The following GATAD2A variants were observed in gnomAD, a reference collection of about 807,000 sequenced individuals.
GATAD2A encodes the protein GATA zinc finger domain containing 2A, also known as transcriptional repressor p66-alpha.
Under a neutral mutation model 68.5 loss-of-function variants are expected in GATAD2A, and 12 were observed. The ratio of observed to expected loss-of-function variants is 0.18; its 90% confidence interval spans 0.11 to 0.28. The LOEUF (loss-of-function observed/expected upper bound fraction) is 0.28. Among genes scored for constraint, GATAD2A ranks in the 10% least tolerant of loss-of-function variants. GATAD2A has a pLI of 1.00. For synonymous variants in GATAD2A, 410 were observed against 375.3 expected (o/e 1.09, Z -1.07); for missense variants, 755 against 868.5 (o/e 0.87, Z 1.64).
intron 2 of GATAD2A, among the ~76,000 whole-genome samples, chr19:19,475,463 CTG>C (rs1568319585): frequency 7.6e-6 from 1 of 131,388 alleles, no homozygotes; most frequent in Non-Finnish European, 1.6e-5. Flanking sequence ...GCGGGGTACT[CTG>C]TGGGCGGCTC....
chr19:19,454,283 A>G (rs2056707173), intron 1 of GATAD2A, among the ~76,000 whole-genome samples: 1 of 147,324 alleles, frequency 6.8e-6, no homozygotes, highest in Non-Finnish European at 1.5e-5. Flanking sequence ...GGCATGAGCC[A>G]CCACACCCGG....
At chr19:19,466,264 A>G (rs999043937) in intron 2 of GATAD2A, among the ~76,000 whole-genome samples, 3 of 152,210 alleles carry the variant, frequency 2.0e-5, no homozygotes, top group Admixed American at 6.5e-5. Context: ...CTTGACTTCA[A>G]AACCTTCCTT....
At chr19:19,404,189 A>G (rs567953555), upstream of GATAD2A, among the ~76,000 whole-genome samples, 12 of 152,148 alleles carry the variant, frequency 7.9e-5, no homozygotes, top group Middle Eastern at 3.4e-3. Flanking sequence ...TGACAATTGT[A>G]TGTAGAACTC....
chr19:19,504,843 A>C (rs972970780), intron 11 of GATAD2A, among the ~76,000 whole-genome samples: 1 of 151,582 alleles, frequency 6.6e-6, no homozygotes, highest in Non-Finnish European at 1.5e-5. Context: ...GGGCCTCACT[A>C]TGTTGCCCAG....
At position 19,505,538 on chromosome 19, in the gene GATAD2A, A is replaced by T; in HGVS notation, c.*64A>T. On this transcript the variant is annotated 3_prime_UTR_variant, in exon 12 of 12. Transcript: ENST00000683918. ...CCCACCTGGCCCCTGGTCTAGAAGG[A>T]CCCACTGCACCACCCTCCGCTGGCT... The T allele has an allele frequency of 7.2e-7, 1 of 1,397,276 alleles. No individual in the cohort carries two copies. Among genetic ancestry groups the T allele is most frequent in the Admixed American group, 2.3e-5 (1 of 44,124 alleles). 86.6% of individuals were successfully genotyped at this position (1,397,276 alleles called of 1,614,324 possible). A position where few individuals can be genotyped will look rare whatever the true frequency, so the allele number is the denominator to read the frequency against.
At chr19:19,436,262 G>C (rs112266910) in intron 1 of GATAD2A, 1 of 1,051,504 alleles carries the variant, frequency 9.5e-7, no homozygotes, top group Non-Finnish European at 1.4e-6. Context: ...AAGGTTCCAC[G>C]CATCCAGCAG....
At chr19:19,403,375 T>G (rs2049935202), upstream of GATAD2A, among the ~76,000 whole-genome samples, 1 of 152,238 alleles carries the variant, frequency 6.6e-6, no homozygotes, top group East Asian at 1.9e-4. Flanking sequence ...CCTGTCTTCC[T>G]ATGACAGACA....
intron 8 of GATAD2A, among the ~76,000 whole-genome samples, chr19:19,499,001 T>C (rs1297959538): frequency 7.2e-5 from 11 of 151,936 alleles, no homozygotes; most frequent in Non-Finnish European, 1.0e-4. Flanking sequence ...GACGTGAGGG[T>C]GCACATCTGT....
At chr19:19,429,806 A>G (rs906741836) in intron 1 of GATAD2A, among the ~76,000 whole-genome samples, 2 of 151,886 alleles carry the variant, frequency 1.3e-5, no homozygotes, top group Non-Finnish European at 2.9e-5. Flanking sequence ...TGTGTGGCCA[A>G]CCTCACGATT....
chr19:19,414,275 C>A (rs2051309531), intron 1 of GATAD2A, among the ~76,000 whole-genome samples: 1 of 152,126 alleles, frequency 6.6e-6, no homozygotes, highest in Admixed American at 6.6e-5. Context: ...CTGGGACTTT[C>A]TTCTGTGTAC....
chr19:19,402,749 T>G (rs1016812977), upstream of GATAD2A: 1 of 97,836 alleles, frequency 1.0e-5, no homozygotes, highest in African/African-American at 3.8e-5. Context: ...TCACTAAGGG[T>G]TTTTTTTTTT....
chr19:19,385,876 C>T (rs2048378733), exon 1 of GATAD2A: 1 of 151,454 alleles, frequency 6.6e-6, no homozygotes, highest in African/African-American at 2.4e-5. Context: ...TGAGCTGCGG[C>T]TCCGAGCGCT....
In GATAD2A at chr19:19,501,216, G is replaced by A; in HGVS notation, c.1303G>A (p.Gly435Ser). Residue 435 changes from glycine to serine, a missense_variant, in exon 9 of 12, where the codon GGC becomes AGC. Coordinates refer to ENST00000683918, the MANE Select transcript of GATAD2A (RefSeq NM_001384528.1). ...GTGCCGCTGGCGGGAGGAGAAGAGC[G>A]GCGCCATCATGTGTGAGAACTGCAT... Reference protein sequence around the residue: ...FTCRWREEKSGAIMCENCMTT... With the variant: ...FTCRWREEKSSAIMCENCMTT... The A allele has an allele frequency of 1.2e-6, 2 of 1,613,502 alleles. No individual in the cohort carries two copies. Among genetic ancestry groups the A allele is most frequent in the Non-Finnish European group, 8.5e-7 (1 of 1,180,014 alleles).
intron 4 of GATAD2A, 35 bp downstream of exon 4, chr19:19,492,747 A>G (rs201669097): frequency 1.2e-6 from 2 of 1,611,690 alleles, no homozygotes; most frequent in African/African-American, 2.7e-5. Flanking sequence ...CTGGGCCAGC[A>G]GGAGCGCCTG....
At chr19:19,500,981 G>A (rs2060487850) in intron 8 of GATAD2A, 137 bp from the exon 9 acceptor site, 1 of 764,844 alleles carries the variant, frequency 1.3e-6, no homozygotes. Context: ...ATGTCCACAT[G>A]TCATTGGTGC....
intron 1 of GATAD2A, among the ~76,000 whole-genome samples, chr19:19,412,076 C>T (rs1383031511): frequency 1.3e-5 from 2 of 151,682 alleles, no homozygotes; most frequent in Non-Finnish European, 2.9e-5. Flanking sequence ...CCATCTCTCT[C>T]TCTCTCTCTC....
upstream of GATAD2A, among the ~76,000 whole-genome samples, chr19:19,404,272 T>TA (rs2049997493): frequency 1.3e-5 from 2 of 152,016 alleles, no homozygotes. Context: ...TTTTTTTTTT[T>TA]AGAAAAACAA....
intron 11 of GATAD2A, among the ~76,000 whole-genome samples, chr19:19,503,920 C>T (rs1273074930): frequency 2.6e-5 from 4 of 152,128 alleles, no homozygotes; most frequent in Non-Finnish European, 5.9e-5. Flanking sequence ...TAAAAATACT[C>T]TTAGGGCCAG....
chr19:19,435,107 T>A (rs761558717), intron 1 of GATAD2A: 2 of 533,754 alleles, frequency 3.7e-6, no homozygotes, highest in Non-Finnish European at 7.7e-6. Flanking sequence ...TCAGATCCCT[T>A]ATCTGTAAAA....
Sources: gnomAD v4.1 joint callset for allele counts (sites outside exome capture counted in the v4.1 genomes callset) on GRCh38, gnomAD v4.1.1 for gene constraint, MANE v1.5 for transcripts, NCBI Gene and HGNC (gene_info 2026-07-23, HGNC 2026-07-21) for gene names.